Variants in WDPCP observed in about 807,000 individuals in gnomAD.
WDPCP encodes the protein WD repeat containing planar cell polarity effector, also known as WD repeat-containing and planar cell polarity effector protein fritz homolog.
WDPCP carries 71 observed loss-of-function variants against 93.1 expected under a neutral mutation model. The ratio of observed to expected loss-of-function variants is 0.76; its 90% confidence interval spans 0.63 to 0.93. WDPCP has a LOEUF of 0.93. Ranked by LOEUF, WDPCP falls within the 40% of genes least tolerant of loss-of-function variation. The pLI is 0.00. For synonymous variants in WDPCP, 315 were observed against 315.0 expected (o/e 1.00, Z 0.00); for missense variants, 844 against 887.4 (o/e 0.95, Z 0.62).
At chr2:63,723,499 TC>T (rs896447449) in intron 2 of WDPCP, among the ~76,000 whole-genome samples, 1 of 152,182 alleles carries the variant, frequency 6.6e-6, no homozygotes, top group African/African-American at 2.4e-5. Flanking sequence ...TCTAAAGAAT[TC>T]TCCCAGAACA....
At chr2:63,175,163 G>T (rs1340846610) in intron 14 of WDPCP, among the ~76,000 whole-genome samples, 1 of 151,940 alleles carries the variant, frequency 6.6e-6, no homozygotes, top group African/African-American at 2.4e-5. Context: ...TTGGAATATT[G>T]CAGGAAGTGA....
At position 63,350,791 on chromosome 2, in the gene WDPCP, G is replaced by A. The variant is rs571288794; in HGVS notation, c.1748+27595C>T. Among the ~76,000 whole-genome samples, 3 of 152,154 alleles carry A rather than the reference G, an allele frequency of 2.0e-5. No homozygotes were observed. In the South Asian group the frequency reaches 6.2e-4, roughly 32 times the overall value. On this transcript the variant is annotated intron_variant, in intron 12 of 17. Coordinates refer to ENST00000272321, the MANE Select transcript of WDPCP (RefSeq NM_015910.7). ...TGCAAGCATTTCTGTGGCACGGCAA[G>A]GCAAATTATAAGCTTCTATGGTGCT...
At chr2:63,622,811 G>A (rs916067884) in intron 3 of WDPCP, 1 of 1,611,288 alleles carries the variant, frequency 6.2e-7, no homozygotes, top group African/African-American at 1.3e-5. Flanking sequence ...GCACGCTCTG[G>A]CCCAGGAAAT....
chr2:63,281,266 C>G (rs1322657322), intron 13 of WDPCP, among the ~76,000 whole-genome samples: 2 of 152,178 alleles, frequency 1.3e-5, no homozygotes, highest in Non-Finnish European at 2.9e-5. Context: ...TAACGCAAAT[C>G]AAAACCACAA....
Position 63,174,691 on chromosome 2 carries a change from A to G in WDPCP, c.2057T>C (p.Ile686Thr). 6.2e-7 allele frequency: 1 copy of G among 1,613,924 alleles called. No individual in the cohort carries two copies. Among genetic ancestry groups the G allele is most frequent in the Non-Finnish European group, 8.5e-7 (1 of 1,179,872 alleles). ...TTACCTGTTAGAAGAGCCATTCAGT[A>G]TTCTTTGTTGTAAAATATGTCTGTG... ...PTHRHILQQRILNGSSNRQII... is the reference protein window; with the variant it reads ...PTHRHILQQRTLNGSSNRQII... Residue 686 changes from isoleucine (I) to threonine (T), a missense_variant, in exon 15 of 18, where the codon ATA becomes ACA. Coordinates refer to ENST00000272321, the MANE Select transcript of WDPCP (RefSeq NM_015910.7).
intron 13 of WDPCP, among the ~76,000 whole-genome samples, chr2:63,274,822 C>T (rs1682955341): frequency 6.6e-6 from 1 of 152,058 alleles, no homozygotes; most frequent in African/African-American, 2.4e-5. Flanking sequence ...GTAATAAAAA[C>T]TCTCCCAACA....
chr2:63,517,319 A>AT (rs1702619881), intron 1 of WDPCP, among the ~76,000 whole-genome samples: 2 of 152,068 alleles, frequency 1.3e-5, no homozygotes, highest in Non-Finnish European at 2.9e-5. Context: ...CCTTCAAAAG[A>AT]TTTTCATTTC....
rs141768125 is a variant in WDPCP at position 63,579,952 on chromosome 2, A to T, written c.75+8245T>A. ...TTGCTATCAGGAGAATGGGTTAATT[A>T]TTGTGGGAGCGGGCTCCTGATATGT... On this transcript the variant is annotated intron_variant, in intron 1 of 17. Coordinates refer to ENST00000272321, the MANE Select transcript of WDPCP (RefSeq NM_015910.7). Among the ~76,000 whole-genome samples, 118 of 152,230 alleles carry T rather than the reference A, an allele frequency of 7.8e-4. 2 individuals are homozygous for T. Among genetic ancestry groups the T allele is most frequent in the African/African-American group, 2.6e-3 (107 of 41,538 alleles).
intron 2 of WDPCP, 62 bp downstream of exon 2, chr2:63,492,794 T>C: frequency 6.9e-7 from 1 of 1,458,570 alleles, no homozygotes; most frequent in Non-Finnish European, 9.6e-7. Context: ...CCTTTGCTAG[T>C]ACTTATTTAT....
intron 2 of WDPCP, chr2:63,752,238 T>G: frequency 1.3e-6 from 1 of 745,330 alleles, no homozygotes; most frequent in Non-Finnish European, 2.4e-6. Flanking sequence ...ATAATTTCAA[T>G]CACTTCAATT....
At chr2:63,402,983 G>A (rs1346032010) in intron 10 of WDPCP, among the ~76,000 whole-genome samples, 1 of 152,154 alleles carries the variant, frequency 6.6e-6, no homozygotes, top group African/African-American at 2.4e-5. Flanking sequence ...GCACACAAAT[G>A]TTTGTTGCAG....
intron 14 of WDPCP, among the ~76,000 whole-genome samples, chr2:63,188,608 A>G (rs1275882461): frequency 6.6e-6 from 1 of 152,012 alleles, no homozygotes; most frequent in Non-Finnish European, 1.5e-5. Flanking sequence ...TGCTAGGATC[A>G]GAGGCTTGAG....
At chr2:63,239,479 C>G (rs1279250447) in intron 14 of WDPCP, among the ~76,000 whole-genome samples, 1 of 152,090 alleles carries the variant, frequency 6.6e-6, no homozygotes, top group African/African-American at 2.4e-5. Context: ...AAACAAGATA[C>G]ATGATTGTAA....
At chr2:63,371,444 T>C (rs1691376304) in intron 12 of WDPCP, among the ~76,000 whole-genome samples, 1 of 152,064 alleles carries the variant, frequency 6.6e-6, no homozygotes, top group African/African-American at 2.4e-5. Flanking sequence ...TTTCAAATCA[T>C]CTATTGAGTT....
Position 63,370,566 on chromosome 2 carries a change from T to TA in WDPCP, c.1748+7819dup, listed in dbSNP as rs534209261. 1.7e-3 allele frequency among the ~76,000 whole-genome samples: 254 copies of TA among 151,224 alleles called. 4 individuals are homozygous for TA. In the East Asian group the frequency reaches 0.022, roughly 13 times the overall value. On this transcript the variant is annotated intron_variant, in intron 12 of 17. Transcript: ENST00000272321. Reference sequence around the variant, plus strand: ...AAAAAATGCATTTGATAAAAAGGACTAAAAAAAAACAACATAGAAAAGAAT... The same window carrying TA: ...AAAAAATGCATTTGATAAAAAGGACTAAAAAAAAAACAACATAGAAAAGAAT...
At chr2:63,141,407 G>A (rs566011748) in intron 17 of WDPCP, among the ~76,000 whole-genome samples, 1 of 152,114 alleles carries the variant, frequency 6.6e-6, no homozygotes, top group South Asian at 2.1e-4. Flanking sequence ...TTTCTGTGGT[G>A]TATCACATTT....
chr2:63,791,997 C>A (rs1451087348), intron 2 of WDPCP, among the ~76,000 whole-genome samples: 1 of 152,114 alleles, frequency 6.6e-6, no homozygotes, highest in Non-Finnish European at 1.5e-5. Flanking sequence ...TATATTAATT[C>A]ATCCAACAAA....
intron 17 of WDPCP, among the ~76,000 whole-genome samples, chr2:63,152,524 G>A (rs1227381669): frequency 6.6e-5 from 10 of 151,904 alleles, no homozygotes; most frequent in Admixed American, 2.6e-4. Flanking sequence ...CACCTGCCTC[G>A]GCCTGCCAAA....
chr2:63,479,775 C>T (rs544972874), intron 6 of WDPCP, among the ~76,000 whole-genome samples: 56 of 152,188 alleles, frequency 3.7e-4, no homozygotes, highest in African/African-American at 1.3e-3. Flanking sequence ...TGACCCTCAA[C>T]ACTTCTATTC....
Sources: gnomAD v4.1 joint callset for allele counts (sites outside exome capture counted in the v4.1 genomes callset) on GRCh38, gnomAD v4.1.1 for gene constraint, MANE v1.5 for transcripts, NCBI Gene and HGNC (gene_info 2026-07-23, HGNC 2026-07-21) for gene names.